Variants in TMF1 observed in about 807,000 individuals in gnomAD.
The protein encoded by TMF1 is TATA element modulatory factor.
A neutral mutation model predicts 126.5 loss-of-function variants in TMF1; 71 were observed. The ratio of observed to expected loss-of-function variants is 0.56; its 90% CI spans 0.46 to 0.68. The LOEUF (loss-of-function observed/expected upper bound fraction) is 0.68, where lower values mean the gene tolerates loss of function less well. TMF1 is among the 30% of genes least tolerant of loss of function. TMF1 has a pLI of 0.00. For synonymous variants in TMF1, 461 were observed against 430.5 expected, an observed-to-expected ratio of 1.07 and a Z score of -0.88; for missense variants, 1,259 against 1,253.2, an observed-to-expected ratio of 1.00 and a Z score of -0.07.
chr3:69,042,433 C>T (rs1407455384), intron 5 of TMF1: 1 of 460,826 alleles, frequency 2.2e-6, no homozygotes, highest in Non-Finnish European at 4.3e-6. Flanking sequence ...CAGAAAAAGA[C>T]AATATCATAC....
chr3:69,029,603 C>G (rs2091788459), intron 11 of TMF1, among the ~76,000 whole-genome samples: 1 of 151,866 alleles, frequency 6.6e-6, no homozygotes, highest in Non-Finnish European at 1.5e-5. Flanking sequence ...ACCATCACAC[C>G]TGGCTAATTT....
At chr3:69,036,163 CTA>C (rs2091830224) in intron 8 of TMF1, among the ~76,000 whole-genome samples, 1 of 151,996 alleles carries the variant, frequency 6.6e-6, no homozygotes. Context: ...TTAAAAACCT[CTA>C]TGTTTTACTA....
At chr3:69,042,312 A>G in intron 5 of TMF1, 2 of 455,450 alleles carry the variant, frequency 4.4e-6, no homozygotes, top group Non-Finnish European at 8.8e-6. Flanking sequence ...TGCTGAGATT[A>G]CAGTCATAAG....
intron 15 of TMF1, chr3:69,024,527 T>C (rs2091756175): frequency 6.0e-6 from 1 of 167,216 alleles, no homozygotes; most frequent in Non-Finnish European, 1.3e-5. Context: ...AAATATACTT[T>C]AACGTAGCCC....
intron 4 of TMF1, among the ~76,000 whole-genome samples, chr3:69,043,367 G>T (rs137972720): frequency 6.6e-6 from 1 of 151,890 alleles, no homozygotes; most frequent in Non-Finnish European, 1.5e-5. Flanking sequence ...ATGAGGTCTC[G>T]CCATGTTGCC....
chr3:69,046,063 C>T (rs1367041262), intron 2 of TMF1, among the ~76,000 whole-genome samples: 1 of 152,068 alleles, frequency 6.6e-6, no homozygotes, highest in African/African-American at 2.4e-5. Context: ...GAGCCGCGAT[C>T]GCACCACTGC....
chr3:69,037,312 C>T (rs11128109), intron 8 of TMF1, among the ~76,000 whole-genome samples: 50,297 of 151,794 alleles, frequency 0.33, 8,506 homozygotes, highest in East Asian at 0.44. Flanking sequence ...GGCTAACACG[C>T]TGAAACCCCA....
In TMF1 at chr3:69,022,252, G is replaced by A. The variant is rs2107451263; in HGVS notation, c.*925C>T. ...TCTTCCATTTTGTTATGAATATTCT[G>A]TAATATCAAACATTCATTTTTAATG... On this transcript the variant is annotated 3_prime_UTR_variant, in exon 17 of 17. Coordinates refer to ENST00000398559, the MANE Select transcript of TMF1 (RefSeq NM_007114.3). The A allele has an allele frequency of 6.6e-6, 1 of 152,296 alleles. No homozygotes were observed. Among genetic ancestry groups the A allele is most frequent in the Non-Finnish European group, 1.5e-5 (1 of 68,004 alleles). 9.4% of individuals were successfully genotyped at this position (152,296 alleles called of 1,614,324 possible).
rs765847250 is a variant in TMF1, at chr3:69,029,946, G to A, written c.2463C>T (p.Leu821=). 1.2e-6 allele frequency: 2 copies of A among 1,614,084 alleles called. No homozygotes were observed. Among genetic ancestry groups the A allele is most frequent in the Non-Finnish European group, 1.7e-6 (2 of 1,180,004 alleles). ...AAGACATCTGAATTTTGTTAGCAAG[G>A]AGTTCTTCTGTAGCTGCACGTTCTC... ...VERERAATEE[L]LANKIQMSSM... is the part of the protein sequence containing the mutation. The change falls in exon 11 of 17, where the codon CTC becomes CTT. Residue 821 remains leucine (L), a synonymous_variant. Transcript: ENST00000398559.
Position 69,021,233 on chromosome 3 carries a change from TA to T in TMF1, c.*1943del, listed in dbSNP as rs1020737379. 56 of 152,776 alleles carry T rather than the reference TA, an allele frequency of 3.7e-4. No homozygotes were observed. The highest frequency in any genetic ancestry group is 1.3e-3 in the African/African-American group (53 of 41,576). The allele number at this position is 152,776 out of a possible 1,614,324, so 9.5% of individuals were successfully genotyped here. On this transcript the variant is annotated 3_prime_UTR_variant, in exon 17 of 17. Coordinates refer to ENST00000398559, the MANE Select transcript of TMF1 (RefSeq NM_007114.3). ...TATAAATAGAACTTTATCATAGGTA[TA>T]TATGTATAGGAAAAAACAGTGTATA...
intron 16 of TMF1, among the ~76,000 whole-genome samples, chr3:69,023,822 A>G (rs1334950819): frequency 2.0e-5 from 3 of 152,146 alleles, no homozygotes; most frequent in African/African-American, 7.2e-5. Context: ...AAGTGTAGCC[A>G]AATGAAATCT....
At position 69,031,018 on chromosome 3, in the gene TMF1, G is replaced by C. The variant is rs186202187; in HGVS notation, c.2402-1011C>G. Among the ~76,000 whole-genome samples the C allele has an allele frequency of 8.5e-5, 13 of 152,238 alleles. No individual in the cohort carries two copies. In the East Asian group the frequency reaches 2.5e-3, roughly 29 times the overall value. ...CCTGGACGTCCCTTGTGCAGTGAATGGTTAAATATACGTGGTACATACTAT... is the reference window on the plus strand; with the variant it reads ...CCTGGACGTCCCTTGTGCAGTGAATCGTTAAATATACGTGGTACATACTAT... On this transcript the variant is annotated intron_variant, in intron 10 of 16. Coordinates refer to ENST00000398559, the MANE Select transcript of TMF1 (RefSeq NM_007114.3).
rs1367095573 is a variant in TMF1, at chr3:69,044,594, G to A, written c.1349C>T (p.Thr450Ile). 6.3e-7 allele frequency: 1 copy of A among 1,598,688 alleles called. No individual in the cohort carries two copies. Among genetic ancestry groups the A allele is most frequent in the Middle Eastern group, 1.7e-4 (1 of 5,998 alleles). ...CAGCTTTTCATTCAGAAATTCAACT[G>A]TCTGGATAAGGCGAATACATAAAAG... ...ALSEKEDVCKTVEFLNEKLEK... is the reference protein window; with the variant it reads ...ALSEKEDVCKIVEFLNEKLEK... Residue 450 changes from threonine to isoleucine, a missense_variant and splice_region_variant, in exon 3 of 17, where the codon ACA becomes ATA. By Grantham distance (89) the Thr-to-Ile change is moderately conservative (BLOSUM62 -1). Transcript: ENST00000398559.
intron 8 of TMF1, among the ~76,000 whole-genome samples, chr3:69,037,507 T>C (rs1007868870): frequency 6.6e-6 from 1 of 151,944 alleles, no homozygotes; most frequent in South Asian, 2.1e-4. Flanking sequence ...CCGGGCATGG[T>C]GGTGGGCACC....
At chr3:69,024,607 A>AT (rs2091756659) in intron 15 of TMF1, among the ~76,000 whole-genome samples, 1 of 152,130 alleles carries the variant, frequency 6.6e-6, no homozygotes, top group Non-Finnish European at 1.5e-5. Context: ...CCTGTATAGC[A>AT]TACCAGCTAT....
At chr3:69,025,146 A>T (rs956273959) in intron 15 of TMF1, 1 of 156,178 alleles carries the variant, frequency 6.4e-6, no homozygotes, top group African/African-American at 2.4e-5. Flanking sequence ...TAGCTGGAAC[A>T]ACTTATCTAA....
intron 11 of TMF1, 103 bp downstream of exon 11, chr3:69,029,712 A>G: frequency 8.9e-7 from 1 of 1,127,430 alleles, no homozygotes; most frequent in Non-Finnish European, 1.3e-6. Flanking sequence ...ATGTGCTGGG[A>G]TTACAGGCGT....
intron 16 of TMF1, among the ~76,000 whole-genome samples, 175 bp from the exon 17 acceptor site, chr3:69,023,495 G>A (rs1320351577): frequency 6.6e-6 from 1 of 151,850 alleles, no homozygotes; most frequent in Non-Finnish European, 1.5e-5. Context: ...AGCAAAAAAA[G>A]GAATTAAAGA....
chr3:69,042,374 T>C (rs1300124859), intron 5 of TMF1: 1 of 455,970 alleles, frequency 2.2e-6, no homozygotes. Context: ...GAGACAAAAG[T>C]GCTTAATAAT....
Sources: gnomAD v4.1 joint callset for allele counts (sites outside exome capture counted in the v4.1 genomes callset) on GRCh38, gnomAD v4.1.1 for gene constraint, MANE v1.5 for transcripts, NCBI Gene and HGNC (gene_info 2026-07-23, HGNC 2026-07-21) for gene names.